SOX6: variants seen among roughly 807,000 people sequenced by gnomAD.
SOX6 encodes transcription factor SOX-6.
SOX6 carries 11 observed loss-of-function variants against 97.8 expected under a neutral mutation model. That is an observed-to-expected ratio of 0.11 (90% CI 0.07 to 0.19). The LOEUF is 0.19. Ranked by LOEUF, SOX6 falls within the 10% of genes least tolerant of loss-of-function variation. The pLI, the probability that SOX6 is intolerant of heterozygous loss-of-function variation, is 1.00. For missense variants in SOX6, 810 were observed against 1,039.5 expected (o/e 0.78, Z 3.04); for synonymous variants, 360 against 371.4 (o/e 0.97, Z 0.35).
intron 4 of SOX6, among the ~76,000 whole-genome samples, chr11:16,519,573 T>TAC (rs1236344145): frequency 6.6e-6 from 1 of 152,094 alleles, no homozygotes; most frequent in Non-Finnish European, 1.5e-5. Flanking sequence ...TATATATATA[T>TAC]ACACCACATT....
chr11:16,671,147 AT>A (rs1406896004), intron 3 of SOX6, among the ~76,000 whole-genome samples: 1 of 152,250 alleles, frequency 6.6e-6, no homozygotes, highest in East Asian at 1.9e-4. Context: ...TGTATTGACT[AT>A]ACTCAATCTG....
intron 5 of SOX6, 61 bp from the exon 6 acceptor site, chr11:16,184,015 A>C: frequency 2.4e-5 from 34 of 1,409,230 alleles, no homozygotes; most frequent in Middle Eastern, 1.8e-4. Context: ...CCATTACCTC[A>C]GGTATTTCTC....
chr11:16,215,078 T>C (rs1328686856), intron 4 of SOX6, among the ~76,000 whole-genome samples: 1 of 152,150 alleles, frequency 6.6e-6, no homozygotes, highest in Non-Finnish European at 1.5e-5. Flanking sequence ...CTGTTTAAGA[T>C]AATTTGATGA....
At chr11:16,365,285 CTG>C (rs35122849) in intron 1 of SOX6, among the ~76,000 whole-genome samples, 15 of 148,762 alleles carry the variant, frequency 1.0e-4, no homozygotes, top group South Asian at 4.3e-4. Flanking sequence ...CAGGGAAGTA[CTG>C]TGTGTGTGTG....
chr11:16,428,891 C>T (rs1859212474), intron 1 of SOX6, among the ~76,000 whole-genome samples: 1 of 152,118 alleles, frequency 6.6e-6, no homozygotes. Context: ...ATGGGGATGG[C>T]ATTGAATCTA....
intron 1 of SOX6, among the ~76,000 whole-genome samples, chr11:16,415,327 TAA>T (rs200072059): frequency 6.8e-6 from 1 of 146,112 alleles, no homozygotes; most frequent in East Asian, 2.0e-4. Flanking sequence ...TATGGATGCT[TAA>T]AAAAAAAAAG....
At chr11:16,672,026 G>T (rs191656297) in intron 3 of SOX6, among the ~76,000 whole-genome samples, 1 of 152,298 alleles carries the variant, frequency 6.6e-6, no homozygotes, top group African/African-American at 2.4e-5. Flanking sequence ...CTTCGACCAA[G>T]AATTTTATAT....
upstream of SOX6, among the ~76,000 whole-genome samples, chr11:16,360,681 C>G (rs574942652): frequency 1.3e-5 from 2 of 152,142 alleles, no homozygotes; most frequent in South Asian, 4.2e-4. Flanking sequence ...ATAAATAATG[C>G]GTTGAATGAC....
chr11:16,080,419 A>G (rs1247408550), intron 9 of SOX6, among the ~76,000 whole-genome samples: 1 of 152,132 alleles, frequency 6.6e-6, no homozygotes, highest in Non-Finnish European at 1.5e-5. Context: ...CATCTGTGAA[A>G]ATGGGGATAA....
intron 1 of SOX6, among the ~76,000 whole-genome samples, chr11:16,433,038 C>T (rs1336294424): frequency 1.3e-5 from 2 of 151,950 alleles, no homozygotes; most frequent in Admixed American, 6.6e-5. Flanking sequence ...AATGACATAT[C>T]AAGGCCTTTA....
intron 4 of SOX6, among the ~76,000 whole-genome samples, chr11:16,487,684 T>C (rs950540468): frequency 6.6e-6 from 1 of 152,190 alleles, no homozygotes; most frequent in Non-Finnish European, 1.5e-5. Flanking sequence ...TAGAAAAAAC[T>C]AAGGCAGGGC....
chr11:16,691,721 T>C (rs1564870233), intron 3 of SOX6, among the ~76,000 whole-genome samples: 1 of 152,066 alleles, frequency 6.6e-6, no homozygotes, highest in Non-Finnish European at 1.5e-5. Context: ...CACTTGAGCC[T>C]AAGAGATGGA....
At chr11:16,489,796 C>T (rs1860482308) in intron 4 of SOX6, among the ~76,000 whole-genome samples, 1 of 152,036 alleles carries the variant, frequency 6.6e-6, no homozygotes, top group South Asian at 2.1e-4. Flanking sequence ...TTACTTCACA[C>T]TCTACCAAAA....
At chr11:16,028,776 C>T (rs1472537717) in intron 12 of SOX6, among the ~76,000 whole-genome samples, 1 of 152,124 alleles carries the variant, frequency 6.6e-6, no homozygotes, top group Non-Finnish European at 1.5e-5. Context: ...CGGATGGGTG[C>T]GAGTGCTTTT....
At chr11:16,277,053 A>G (rs1854424924) in intron 3 of SOX6, among the ~76,000 whole-genome samples, 1 of 152,184 alleles carries the variant, frequency 6.6e-6, no homozygotes, top group Non-Finnish European at 1.5e-5. Context: ...GAGAAGCTAT[A>G]TATGTTAAAC....
intron 3 of SOX6, among the ~76,000 whole-genome samples, chr11:16,679,018 C>T (rs897106813): frequency 1.3e-5 from 2 of 152,254 alleles, no homozygotes; most frequent in South Asian, 2.1e-4. Context: ...CTCTAGATTC[C>T]ACCTCTGTGG....
At chr11:16,188,938 C>T (rs1388293653) in intron 4 of SOX6, among the ~76,000 whole-genome samples, 1 of 151,964 alleles carries the variant, frequency 6.6e-6, no homozygotes, top group Non-Finnish European at 1.5e-5. Flanking sequence ...GGGTGGGTAC[C>T]TGTAGTCCCA....
At chr11:16,428,321 T>C (rs1363887491) in intron 1 of SOX6, among the ~76,000 whole-genome samples, 1 of 152,220 alleles carries the variant, frequency 6.6e-6, no homozygotes, top group Non-Finnish European at 1.5e-5. Flanking sequence ...GCAGAAGCTC[T>C]TTAGTTTAAC....
intron 2 of SOX6, among the ~76,000 whole-genome samples, chr11:16,732,257 A>G (rs1848355979): frequency 6.6e-6 from 1 of 152,232 alleles, no homozygotes; most frequent in Non-Finnish European, 1.5e-5. Flanking sequence ...ATATGGAAAC[A>G]AAAAAGAGCC....
Sources: allele counts gnomAD v4.1 joint callset (sites outside exome capture counted in the v4.1 genomes callset), GRCh38; gene constraint gnomAD v4.1.1; transcripts MANE v1.5; gene names NCBI Gene and HGNC (gene_info 2026-07-23, HGNC 2026-07-21).